Variants in ZFHX3 observed in about 807,000 individuals in gnomAD.
ZFHX3 encodes the protein zinc finger homeobox protein 3.
In ZFHX3, 42 loss-of-function variants were observed where a neutral mutation model predicts 279.1. The ratio of observed to expected loss-of-function variants is 0.15; its 90% CI spans 0.12 to 0.19. ZFHX3 has a LOEUF of 0.19. Among genes scored for constraint, ZFHX3 ranks in the 10% least tolerant of loss-of-function variants. The pLI is 1.00. For missense variants in ZFHX3, 4,981 were observed against 4,754.0 expected (o/e 1.05, Z -1.40); for synonymous variants, 2,293 against 1,957.8 (o/e 1.17, Z -4.52).
intron 2 of ZFHX3, chr16:73,499,790 G>A (rs1051791523): frequency 6.6e-6 from 1 of 152,120 alleles, no homozygotes; most frequent in Non-Finnish European, 1.5e-5. Context: ...ACATGACAAC[G>A]TTTCAATCAA....
chr16:73,089,536 G>A (rs1966046540), intron 8 of ZFHX3, among the ~76,000 whole-genome samples: 1 of 152,238 alleles, frequency 6.6e-6, no homozygotes, highest in African/African-American at 2.4e-5. Context: ...TCTAATGCAA[G>A]CAACATCAGG....
At chr16:73,073,393 C>T (rs1965848211) in intron 8 of ZFHX3, among the ~76,000 whole-genome samples, 1 of 152,198 alleles carries the variant, frequency 6.6e-6, no homozygotes, top group African/African-American at 2.4e-5. Context: ...GATCTAAATC[C>T]TCTTCAGATA....
intron 5 of ZFHX3, among the ~76,000 whole-genome samples, chr16:73,176,449 G>T (rs1967666745): frequency 6.6e-6 from 1 of 152,150 alleles, no homozygotes; most frequent in South Asian, 2.1e-4. Context: ...TGAGTACACT[G>T]TATTATATTG....
intron 1 of ZFHX3, among the ~76,000 whole-genome samples, chr16:73,053,516 T>C (rs796579701): frequency 1.3e-5 from 2 of 151,972 alleles, no homozygotes; most frequent in African/African-American, 4.8e-5. Context: ...TAAGGATGTA[T>C]TAAAGACACA....
intron 9 of ZFHX3, among the ~76,000 whole-genome samples, chr16:72,792,133 T>C (rs934673793): frequency 2.6e-5 from 4 of 152,064 alleles, no homozygotes; most frequent in Admixed American, 2.0e-4. Flanking sequence ...CCAGAGAAGA[T>C]GTGAGGACAG....
intron 3 of ZFHX3, among the ~76,000 whole-genome samples, chr16:72,906,361 G>C (rs1450576635): frequency 1.3e-5 from 2 of 151,976 alleles, no homozygotes; most frequent in Non-Finnish European, 2.9e-5. Flanking sequence ...AAGAAGCCGT[G>C]GTCGATGATC....
chr16:73,295,573 C>T (rs1011875616), intron 4 of ZFHX3, among the ~76,000 whole-genome samples: 2 of 152,208 alleles, frequency 1.3e-5, no homozygotes, highest in African/African-American at 4.8e-5. Flanking sequence ...TTTAGGGTTG[C>T]CTGGTTTCCA....
rs147016640 is a variant in ZFHX3, at chr16:72,958,479, G to A, written c.1667C>T (p.Ser556Phe). ...CGCACCATCAAAGACAACAAAGGAAGAAGCAGAATTAGAACTAGTAGAAGC... is the reference window on the plus strand; with the variant it reads ...CGCACCATCAAAGACAACAAAGGAAAAAGCAGAATTAGAACTAGTAGAAGC... ...GTASTSSNSA[S>F]SFVVFDGANR... The change falls in exon 2 of 10, where the codon TCT becomes TTT. Residue 556 changes from serine (S) to phenylalanine (F), a missense_variant. Ser to Phe is a radical substitution (Grantham distance 155). Coordinates refer to ENST00000268489, the MANE Select transcript of ZFHX3 (RefSeq NM_006885.4). 1 of 1,614,138 alleles carries A rather than the reference G, an allele frequency of 6.2e-7. No individual in the cohort carries two copies. Among genetic ancestry groups the A allele is most frequent in the East Asian group, 2.2e-5 (1 of 44,884 alleles).
At chr16:72,832,369 C>T (rs2037080327) in intron 4 of ZFHX3, among the ~76,000 whole-genome samples, 1 of 152,054 alleles carries the variant, frequency 6.6e-6, no homozygotes, top group Non-Finnish European at 1.5e-5. Flanking sequence ...ATTCTGTGAG[C>T]CCACTTGGGC....
At chr16:72,926,306 C>T (rs185394126) in intron 3 of ZFHX3, among the ~76,000 whole-genome samples, 1 of 152,300 alleles carries the variant, frequency 6.6e-6, no homozygotes, top group East Asian at 1.9e-4. Flanking sequence ...CTCTGTCTCT[C>T]TCACACTCTC....
At chr16:73,129,666 C>G (rs8056261) in intron 7 of ZFHX3, among the ~76,000 whole-genome samples, 124,364 of 151,290 alleles carry the variant, frequency 0.82, 51,427 homozygotes, top group Middle Eastern at 0.91. Context: ...GTATGTGTGC[C>G]CACGCCTGTG....
intron 5 of ZFHX3, among the ~76,000 whole-genome samples, chr16:73,252,779 A>G (rs74030009): frequency 0.011 from 1,710 of 152,302 alleles, 29 homozygotes; most frequent in African/African-American, 0.035. Context: ...AAAGTCTAGC[A>G]GAGGATAAAG....
At chr16:73,633,570 A>G (rs534185424) in intron 2 of ZFHX3, among the ~76,000 whole-genome samples, 1 of 152,202 alleles carries the variant, frequency 6.6e-6, no homozygotes. Context: ...ATGCGGTTTG[A>G]CTACATTATT....
chr16:73,451,041 G>A (rs1043002883), intron 3 of ZFHX3, among the ~76,000 whole-genome samples: 1 of 152,068 alleles, frequency 6.6e-6, no homozygotes, highest in Non-Finnish European at 1.5e-5. Flanking sequence ...TAGGCAAACA[G>A]TACATGGGTC....
chr16:73,415,853 C>T (rs145755489), intron 3 of ZFHX3, among the ~76,000 whole-genome samples: 1 of 152,150 alleles, frequency 6.6e-6, no homozygotes, highest in African/African-American at 2.4e-5. Flanking sequence ...GGCACAGTGG[C>T]TCATGCCTGT....
intron 4 of ZFHX3, among the ~76,000 whole-genome samples, chr16:73,298,144 T>C (rs796575126): frequency 2.0e-5 from 3 of 151,810 alleles, no homozygotes; most frequent in African/African-American, 4.9e-5. Flanking sequence ...TGAGCTATGA[T>C]TGAGTCACTG....
intron 1 of ZFHX3, among the ~76,000 whole-genome samples, chr16:73,043,365 G>C (rs1402098802): frequency 6.6e-6 from 1 of 152,180 alleles, no homozygotes; most frequent in Non-Finnish European, 1.5e-5. Context: ...GCCCGGGCTG[G>C]AGTTAAAACC....
At chr16:72,841,482 ATCC>A (rs1283789943) in intron 4 of ZFHX3, among the ~76,000 whole-genome samples, 1 of 152,184 alleles carries the variant, frequency 6.6e-6, no homozygotes, top group African/African-American at 2.4e-5. Flanking sequence ...AGAATATTGG[ATCC>A]TCCTCCTCTT....
chr16:72,867,025 G>A (rs2038039435), intron 4 of ZFHX3, among the ~76,000 whole-genome samples: 1 of 152,244 alleles, frequency 6.6e-6, no homozygotes, highest in South Asian at 2.1e-4. Flanking sequence ...AGAGGGAACT[G>A]TGTAGAAAGT....
Sources: allele counts gnomAD v4.1 joint callset (sites outside exome capture counted in the v4.1 genomes callset), GRCh38; gene constraint gnomAD v4.1.1; transcripts MANE v1.5; gene names NCBI Gene and HGNC (gene_info 2026-07-23, HGNC 2026-07-21).